Variants in ADGRL4 observed in about 807,000 individuals in gnomAD.
The protein encoded by ADGRL4 is adhesion G protein-coupled receptor L4, also known as EGF, latrophilin and seven transmembrane domain containing 1.
Under a neutral mutation model 74.8 loss-of-function variants are expected in ADGRL4, and 90 were observed. The observed-to-expected ratio is 1.20, with a 90% CI of 1.02 to 1.43. The LOEUF is 1.43. ADGRL4 is among the 40% of genes most tolerant of loss of function. The pLI is 0.00. For synonymous variants in ADGRL4, 311 were observed against 279.2 expected (o/e 1.11, Z -1.14); for missense variants, 881 against 814.3 (o/e 1.08, Z -1.00).
At chr1:78,992,603 C>T (rs753233221) in intron 2 of ADGRL4, among the ~76,000 whole-genome samples, 1 of 152,028 alleles carries the variant, frequency 6.6e-6, no homozygotes, top group Non-Finnish European at 1.5e-5. Context: ...CTCACAACTA[C>T]ACACAAAAGG....
chr1:78,911,848 T>C (rs1648768959), intron 12 of ADGRL4, among the ~76,000 whole-genome samples: 1 of 151,890 alleles, frequency 6.6e-6, no homozygotes, highest in Non-Finnish European at 1.5e-5. Flanking sequence ...AGCCGTGTTA[T>C]GTAGGGCTGG....
chr1:78,972,113 A>T (rs1295179883), intron 2 of ADGRL4, among the ~76,000 whole-genome samples: 1 of 152,230 alleles, frequency 6.6e-6, no homozygotes, highest in Non-Finnish European at 1.5e-5. Context: ...TGTAGATGCC[A>T]TACAAATAGT....
Position 78,924,249 on chromosome 1 carries a change from G to A in ADGRL4, c.1084-2463C>T, listed in dbSNP as rs549059361. Among the ~76,000 whole-genome samples the A allele has an allele frequency of 5.3e-5, 8 of 151,960 alleles. No homozygotes were observed. The East Asian group carries it at 1.6e-3, about 29-fold the overall frequency. On this transcript the variant is annotated intron_variant, in intron 8 of 14. Coordinates refer to ENST00000370742, the MANE Select transcript of ADGRL4 (RefSeq NM_022159.4). ...ATGGTATTTATCTAACTAATATAAG[G>A]GTAAGGTAGAAAAATATATTTGTGT...
At chr1:78,979,178 T>C (rs1650351475) in intron 2 of ADGRL4, among the ~76,000 whole-genome samples, 1 of 151,978 alleles carries the variant, frequency 6.6e-6, no homozygotes, top group Admixed American at 6.6e-5. Context: ...AAACATTGTT[T>C]ACGCAGTCAT....
intron 2 of ADGRL4, among the ~76,000 whole-genome samples, chr1:78,980,258 T>A (rs1202119141): frequency 2.0e-5 from 3 of 151,528 alleles, no homozygotes; most frequent in Non-Finnish European, 4.4e-5. Flanking sequence ...AATGCCCTTA[T>A]TCTTACTGAG....
chr1:78,959,425 A>T (rs1649899302), intron 2 of ADGRL4, among the ~76,000 whole-genome samples: 1 of 152,184 alleles, frequency 6.6e-6, no homozygotes, highest in East Asian at 1.9e-4. Flanking sequence ...ACCATCACAC[A>T]CTCAATACCA....
intron 2 of ADGRL4, among the ~76,000 whole-genome samples, chr1:78,964,643 A>G (rs1650018667): frequency 1.3e-5 from 2 of 152,164 alleles, no homozygotes; most frequent in Non-Finnish European, 2.9e-5. Context: ...CATCAATCAT[A>G]GTAAAACTGT....
chr1:78,913,719 G>A (rs977203631), intron 12 of ADGRL4, among the ~76,000 whole-genome samples: 6 of 151,678 alleles, frequency 4.0e-5, no homozygotes, highest in Admixed American at 2.0e-4. Flanking sequence ...CAACAAATCC[G>A]CATGACGCAA....
intron 12 of ADGRL4, among the ~76,000 whole-genome samples, chr1:78,911,199 C>T (rs530635364): frequency 1.3e-5 from 2 of 151,802 alleles, no homozygotes; most frequent in African/African-American, 2.4e-5. Flanking sequence ...AGTCCTTACT[C>T]TATGGATAAA....
intron 12 of ADGRL4, among the ~76,000 whole-genome samples, chr1:78,901,434 A>G (rs1320657789): frequency 1.3e-5 from 2 of 152,148 alleles, no homozygotes; most frequent in East Asian, 3.9e-4. Flanking sequence ...TAAAACTGAT[A>G]AAATGTCCTA....
chr1:78,979,157 C>A (rs563628093), intron 2 of ADGRL4, among the ~76,000 whole-genome samples: 7 of 152,020 alleles, frequency 4.6e-5, no homozygotes, highest in African/African-American at 1.7e-4. Context: ...GTGAACCTAA[C>A]CTTCAAAAAT....
At chr1:78,947,077 T>G (rs1649615878) in intron 2 of ADGRL4, among the ~76,000 whole-genome samples, 1 of 152,184 alleles carries the variant, frequency 6.6e-6, no homozygotes. Context: ...AGAGAGCAGA[T>G]TTATATTATC....
chr1:78,987,734 T>C (rs1188553260), intron 2 of ADGRL4, among the ~76,000 whole-genome samples: 1 of 151,820 alleles, frequency 6.6e-6, no homozygotes, highest in African/African-American at 2.4e-5. Flanking sequence ...GTTTCTTTGC[T>C]GCTATCTTTT....
At chr1:78,915,961 A>AT (rs1425676947) in intron 12 of ADGRL4, among the ~76,000 whole-genome samples, 4 of 151,864 alleles carry the variant, frequency 2.6e-5, no homozygotes, top group South Asian at 2.1e-4. Flanking sequence ...GGCCTAGCTC[A>AT]TTTTTTAAGT....
At chr1:78,981,502 G>C (rs909651129) in intron 2 of ADGRL4, among the ~76,000 whole-genome samples, 3 of 151,808 alleles carry the variant, frequency 2.0e-5, no homozygotes, top group Admixed American at 2.0e-4. Context: ...TCATAGGGTT[G>C]ATGAAGATTA....
At chr1:79,004,688 G>A (rs554406776) in intron 2 of ADGRL4, among the ~76,000 whole-genome samples, 1 of 152,066 alleles carries the variant, frequency 6.6e-6, no homozygotes, top group South Asian at 2.1e-4. Flanking sequence ...ATACCATATA[G>A]GTATAAAAAT....
intron 2 of ADGRL4, among the ~76,000 whole-genome samples, chr1:78,966,017 C>CA (rs1340813879): frequency 6.8e-6 from 1 of 146,482 alleles, no homozygotes; most frequent in Non-Finnish European, 1.5e-5. Context: ...AAAACAAAAA[C>CA]AAAAAAACCA....
intron 2 of ADGRL4, among the ~76,000 whole-genome samples, chr1:78,968,523 G>T (rs1211515558): frequency 6.8e-6 from 1 of 146,190 alleles, no homozygotes; most frequent in Non-Finnish European, 1.5e-5. Context: ...GGGGGGAGAC[G>T]GGGGTCGGCA....
At chr1:78,964,733 G>C (rs912790567) in intron 2 of ADGRL4, among the ~76,000 whole-genome samples, 34 of 152,010 alleles carry the variant, frequency 2.2e-4, no homozygotes, top group African/African-American at 8.2e-4. Flanking sequence ...TCTTCACACT[G>C]GGCAAGGATG....
Sources: gnomAD v4.1 joint callset for allele counts (sites outside exome capture counted in the v4.1 genomes callset) on GRCh38, gnomAD v4.1.1 for gene constraint, MANE v1.5 for transcripts, NCBI Gene and HGNC (gene_info 2026-07-23, HGNC 2026-07-21) for gene names.